Variants in CLIP2 observed in about 807,000 individuals in gnomAD.
CLIP2 encodes the protein CAP-Gly domain containing linker protein 2, also known as CAP-Gly domain-containing linker protein 2.
Under a neutral mutation model 111.7 loss-of-function variants are expected in CLIP2, and 41 were observed. The ratio of observed to expected loss-of-function variants is 0.37; its 90% CI spans 0.29 to 0.48. The LOEUF (loss-of-function observed/expected upper bound fraction) is 0.48, where lower values mean the gene tolerates loss of function less well. CLIP2 is among the 20% of genes least tolerant of loss of function. CLIP2 has a pLI of 0.99. For missense variants in CLIP2, 1,160 were observed against 1,422.1 expected (o/e 0.82, Z 2.96); for synonymous variants, 660 against 644.2 (o/e 1.02, Z -0.37).
intron 11 of CLIP2, among the ~76,000 whole-genome samples, chr7:74,385,200 C>A (rs1320957364): frequency 6.7e-6 from 1 of 148,602 alleles, no homozygotes; most frequent in Non-Finnish European, 1.5e-5. Context: ...GAGGCTGAGG[C>A]AAGAGAATTT....
intron 11 of CLIP2, 114 bp downstream of exon 11, chr7:74,380,977 C>T (rs369430617): frequency 4.7e-5 from 48 of 1,011,056 alleles, no homozygotes; most frequent in East Asian, 2.9e-4. Flanking sequence ...GTAAGAGTCA[C>T]CTCCTGTGTG....
intron 1 of CLIP2, among the ~76,000 whole-genome samples, chr7:74,315,605 C>T (rs1245464024): frequency 6.6e-6 from 1 of 151,680 alleles, no homozygotes; most frequent in East Asian, 1.9e-4. Flanking sequence ...GAGCCTCACT[C>T]TGTTGCCCAG....
At chr7:74,302,246 T>TA (rs1408242489) in intron 1 of CLIP2, among the ~76,000 whole-genome samples, 4 of 151,976 alleles carry the variant, frequency 2.6e-5, no homozygotes, top group Non-Finnish European at 4.4e-5. Context: ...AATAGAGTCT[T>TA]ACTCTGTCAC....
intron 4 of CLIP2, among the ~76,000 whole-genome samples, chr7:74,354,910 G>T (rs929871903): frequency 5.3e-5 from 8 of 152,218 alleles, no homozygotes; most frequent in African/African-American, 1.9e-4. Context: ...AGGCCTCACA[G>T]ATGGGTTCCA....
intron 1 of CLIP2, among the ~76,000 whole-genome samples, chr7:74,306,639 G>A (rs1336766752): frequency 1.3e-5 from 2 of 152,180 alleles, no homozygotes; most frequent in Non-Finnish European, 2.9e-5. Flanking sequence ...GCCGGGGCTT[G>A]TCTCTGGGAA....
At chr7:74,351,532 C>T (rs1239911906) in intron 3 of CLIP2, among the ~76,000 whole-genome samples, 1 of 151,432 alleles carries the variant, frequency 6.6e-6, no homozygotes, top group Admixed American at 6.6e-5. Context: ...AAGATGTGCT[C>T]TACTAAAATA....
chr7:74,385,089 G>C (rs551912303), intron 11 of CLIP2, among the ~76,000 whole-genome samples: 110 of 146,742 alleles, frequency 7.5e-4, no homozygotes, highest in African/African-American at 2.7e-3. Context: ...CCAGCCTGGC[G>C]GACATGGTGA....
At chr7:74,373,076 T>G in intron 9 of CLIP2, 40 bp downstream of exon 9, 1 of 1,394,272 alleles carries the variant, frequency 7.2e-7, no homozygotes, top group Non-Finnish European at 9.9e-7. Context: ...GCCAGCCACC[T>G]TGCCCTTTGA....
At chr7:74,313,638 T>A (rs1380897109) in intron 1 of CLIP2, among the ~76,000 whole-genome samples, 1 of 151,784 alleles carries the variant, frequency 6.6e-6, no homozygotes, top group African/African-American at 2.4e-5. Context: ...GACTCAGCTG[T>A]GCTGTCTCTG....
rs1790182874 is a variant in CLIP2 at position 74,357,453 on chromosome 7, C to T, written c.1191C>T (p.Ala397=). 1.2e-6 allele frequency: 2 copies of T among 1,613,634 alleles called. No individual in the cohort carries two copies. Among genetic ancestry groups the T allele is most frequent in the Non-Finnish European group, 1.7e-6 (2 of 1,179,832 alleles). Residue 397 remains alanine (A), a synonymous_variant, in exon 6 of 17, where the codon GCC becomes GCT. Transcript: ENST00000223398. ...SHICEVEKEI[A]LLKAQHEQYV... is the part of the protein sequence containing the mutation. ...TCTGCGAGGTGGAGAAGGAGATTGCCCTGCTCAAGGCACAGCATGAGCAGG... is the reference window on the plus strand; with the variant it reads ...TCTGCGAGGTGGAGAAGGAGATTGCTCTGCTCAAGGCACAGCATGAGCAGG...
chr7:74,397,203 C>T lies in CLIP2; in HGVS notation c.2850C>T (p.Ile950=), dbSNP rs1402837738. ...AGGAGCAGAAACTCAAGGATGACAT[C>T]CGGGGCCTGCGTGAAAAGCTGACCG... ...RIKEQKLKDD[I]RGLREKLTGL... Residue 950 remains isoleucine (I), a synonymous_variant, in exon 14 of 17, where the codon ATC becomes ATT. Coordinates refer to ENST00000223398, the MANE Select transcript of CLIP2 (RefSeq NM_003388.5). 1.9e-6 allele frequency: 3 copies of T among 1,613,650 alleles called. No individual in the cohort carries two copies. The Admixed American group carries it at 5.0e-5, about 27-fold the overall frequency.
chr7:74,303,113 G>A (rs1398878190), intron 1 of CLIP2, among the ~76,000 whole-genome samples: 2 of 152,170 alleles, frequency 1.3e-5, no homozygotes, highest in Non-Finnish European at 2.9e-5. Flanking sequence ...AAGGCTCAGA[G>A]CTTCAGGTTC....
At position 74,373,003 on chromosome 7, in the gene CLIP2, C is replaced by G; in HGVS notation, c.1452C>G (p.Ala484=). Residue 484 remains alanine (A), a synonymous_variant, in exon 9 of 17, where the codon GCC becomes GCG. Coordinates refer to ENST00000223398, the MANE Select transcript of CLIP2 (RefSeq NM_003388.5). Reference sequence around the variant, plus strand: ...GCCTGCTACTGGAGAAGGCGCAGGCCGAGCGGCTGCTCCGAGAATTAGCGG... The same window carrying G: ...GCCTGCTACTGGAGAAGGCGCAGGCGGAGCGGCTGCTCCGAGAATTAGCGG... ...EQSLLLEKAQ[A]ERLLRELADN... 6.3e-7 allele frequency: 1 copy of G among 1,595,152 alleles called. No homozygotes were observed. Among genetic ancestry groups the G allele is most frequent in the East Asian group, 2.3e-5 (1 of 44,278 alleles).
chr7:74,323,717 C>T (rs966951755), intron 2 of CLIP2, among the ~76,000 whole-genome samples: 3 of 152,080 alleles, frequency 2.0e-5, no homozygotes, highest in Admixed American at 6.6e-5. Context: ...TGAGCCAGTG[C>T]GCCTGGCCCT....
Position 74,294,562 on chromosome 7 carries a change from G to C in CLIP2, c.-68+4828G>C, listed in dbSNP as rs557010383. The stretch of plus-strand genomic sequence containing the variant: ...TTTGGTCCCTTGGGATGAGAGGGCG[G>C]AATTTCCGGCTCACCAGGAGGAGCG... On this transcript the variant is annotated intron_variant, in intron 1 of 16. Coordinates refer to ENST00000223398, the MANE Select transcript of CLIP2 (RefSeq NM_003388.5). Among the ~76,000 whole-genome samples, 3 of 152,266 alleles carry C rather than the reference G, an allele frequency of 2.0e-5. No homozygotes were observed. In the East Asian group the frequency reaches 5.8e-4, roughly 29 times the overall value.
rs55952428 is a variant in CLIP2 at position 74,351,426 on chromosome 7, CAAAAAAA to C, written c.679-2438_679-2432del. Among the ~76,000 whole-genome samples the C allele has an allele frequency of 9.4e-4, 62 of 65,916 alleles. 1 individual carries two copies. Among genetic ancestry groups the C allele is most frequent in the African/African-American group, 2.4e-3 (51 of 21,256 alleles). 43.2% of individuals were successfully genotyped at this position (65,916 alleles called of 152,430 possible). A position where few individuals can be genotyped will look rare whatever the true frequency, so the allele number is the denominator to read the frequency against. ...AGATCACGCCACTGCATTCCAGTGT[CAAAAAAA>C]AAAAAAAAAAAAAAAGAATAAAACA... On this transcript the variant is annotated intron_variant, in intron 3 of 16. Transcript: ENST00000223398.
intron 1 of CLIP2, among the ~76,000 whole-genome samples, chr7:74,295,644 A>T (rs77700425): frequency 1.3e-5 from 2 of 152,160 alleles, no homozygotes; most frequent in Non-Finnish European, 2.9e-5. Context: ...TGTGTTCTTC[A>T]TCTGATTCCA....
intron 1 of CLIP2, among the ~76,000 whole-genome samples, chr7:74,300,658 G>A (rs548140739): frequency 2.6e-4 from 40 of 151,054 alleles, no homozygotes; most frequent in Admixed American, 6.6e-4. Flanking sequence ...GGTTTTCACC[G>A]TGTTAGCCAG....
At chr7:74,295,016 AG>A (rs1288277705) in intron 1 of CLIP2, among the ~76,000 whole-genome samples, 1 of 152,116 alleles carries the variant, frequency 6.6e-6, no homozygotes, top group African/African-American at 2.4e-5. Context: ...GCTGGAGTGC[AG>A]TGGCGTGATC....
Sources: allele counts gnomAD v4.1 joint callset (sites outside exome capture counted in the v4.1 genomes callset), GRCh38; gene constraint gnomAD v4.1.1; transcripts MANE v1.5; gene names NCBI Gene and HGNC (gene_info 2026-07-23, HGNC 2026-07-21).